SOBP: variants seen among roughly 807,000 people sequenced by gnomAD.
SOBP encodes the protein sine oculis-binding protein homolog.
Under a neutral mutation model 53.6 loss-of-function variants are expected in SOBP, and 4 were observed. The ratio of observed to expected loss-of-function variants is 0.07; its 90% confidence interval spans 0.04 to 0.17. The LOEUF is 0.17. SOBP is among the 10% of genes least tolerant of loss of function. The probability of loss-of-function intolerance (pLI) is 1.00; values close to 1 mark genes in which losing one functional copy is unlikely to be tolerated. For synonymous variants in SOBP, 584 were observed against 522.6 expected (o/e 1.12, Z -1.60); for missense variants, 1,088 against 1,204.7 (o/e 0.90, Z 1.43).
chr6:107,541,299 G>C lies in SOBP; in HGVS notation c.573+7689G>C, dbSNP rs539331488. Among the ~76,000 whole-genome samples, 3 of 152,310 alleles carry C rather than the reference G, an allele frequency of 2.0e-5. No individual in the cohort carries two copies. The South Asian group carries it at 6.2e-4, about 32-fold the overall frequency. ...AAACATTATACTGATTTATGAGAGA[G>C]CTTTGGAGGCATGTAGGATAATTCC... On this transcript the variant is annotated intron_variant, in intron 4 of 6. Transcript: ENST00000317357.
chr6:107,585,839 C>G (rs949757126), intron 4 of SOBP, among the ~76,000 whole-genome samples: 6 of 152,146 alleles, frequency 3.9e-5, no homozygotes, highest in Non-Finnish European at 7.3e-5. Flanking sequence ...AAATGACAAG[C>G]CCCAGTATAG....
intron 5 of SOBP, among the ~76,000 whole-genome samples, chr6:107,615,300 A>C (rs763968249): frequency 2.0e-5 from 3 of 152,200 alleles, no homozygotes; most frequent in Non-Finnish European, 2.9e-5. Flanking sequence ...TAATGAAATA[A>C]AATTAAGGAA....
At chr6:107,542,261 T>A (rs563282403) in intron 4 of SOBP, among the ~76,000 whole-genome samples, 1 of 152,198 alleles carries the variant, frequency 6.6e-6, no homozygotes, top group South Asian at 2.1e-4. Flanking sequence ...CAGAAGGAAG[T>A]GACGGAGCTA....
At chr6:107,638,146 G>C (rs1771133745) in intron 6 of SOBP, among the ~76,000 whole-genome samples, 1 of 152,178 alleles carries the variant, frequency 6.6e-6, no homozygotes, top group Non-Finnish European at 1.5e-5. Context: ...TCACAGCACA[G>C]TCTCAACCTG....
In SOBP at chr6:107,504,780, G is replaced by A. The variant is rs571275067; in HGVS notation, c.235+985G>A. Among the ~76,000 whole-genome samples the A allele has an allele frequency of 3.3e-5, 5 of 152,342 alleles. No individual in the cohort carries two copies. The East Asian group carries it at 9.6e-4, about 29-fold the overall frequency. ...CAGGCAAGTGGAATTGAATGTACAT[G>A]ACAAATTTTATGTTAAGCTTACTAT... On this transcript the variant is annotated intron_variant, in intron 2 of 6. Coordinates refer to ENST00000317357, the MANE Select transcript of SOBP (RefSeq NM_018013.4).
intron 5 of SOBP, among the ~76,000 whole-genome samples, chr6:107,624,720 G>T (rs1429548524): frequency 6.6e-6 from 1 of 152,208 alleles, no homozygotes; most frequent in African/African-American, 2.4e-5. Context: ...TGGCTGTGTA[G>T]ATGGGTATGA....
At chr6:107,577,384 C>G in intron 4 of SOBP, among the ~76,000 whole-genome samples, 1 of 152,196 alleles carries the variant, frequency 6.6e-6, no homozygotes, top group East Asian at 1.9e-4. Context: ...TTTTGGTGCT[C>G]CACCCCCTCA....
intron 5 of SOBP, among the ~76,000 whole-genome samples, chr6:107,590,966 GAC>G (rs1282230185): frequency 6.6e-6 from 1 of 152,104 alleles, no homozygotes; most frequent in Non-Finnish European, 1.5e-5. Flanking sequence ...CATAGAAAAA[GAC>G]ACAGTCCCTT....
intron 4 of SOBP, among the ~76,000 whole-genome samples, chr6:107,545,421 A>G (rs544220689): frequency 4.6e-5 from 7 of 152,300 alleles, no homozygotes; most frequent in Non-Finnish European, 7.4e-5. Context: ...CTGGCACGGC[A>G]ACAGAGGGTG....
chr6:107,570,374 T>C (rs763877137), intron 4 of SOBP, among the ~76,000 whole-genome samples: 2 of 152,254 alleles, frequency 1.3e-5, no homozygotes, highest in Non-Finnish European at 2.9e-5. Context: ...TTAGCCTAAA[T>C]CAATCAATCT....
intron 4 of SOBP, among the ~76,000 whole-genome samples, chr6:107,543,024 A>G (rs906266655): frequency 2.0e-5 from 3 of 152,300 alleles, no homozygotes; most frequent in Non-Finnish European, 1.5e-5. Flanking sequence ...TGAAGGGACC[A>G]TCTTTGGGTA....
At chr6:107,622,267 C>A (rs959991757) in intron 5 of SOBP, among the ~76,000 whole-genome samples, 1 of 152,186 alleles carries the variant, frequency 6.6e-6, no homozygotes, top group Admixed American at 6.5e-5. Flanking sequence ...TGTGGGTCTT[C>A]TGAGCCAAAT....
chr6:107,500,728 T>G (rs966826713), intron 1 of SOBP, among the ~76,000 whole-genome samples: 2 of 152,014 alleles, frequency 1.3e-5, no homozygotes, highest in South Asian at 2.1e-4. Flanking sequence ...GGTTTCACCA[T>G]GTTAGCCAGG....
At chr6:107,653,655 T>C (rs554897129) in intron 6 of SOBP, among the ~76,000 whole-genome samples, 1 of 152,316 alleles carries the variant, frequency 6.6e-6, no homozygotes, top group South Asian at 2.1e-4. Context: ...TTATGCTAAT[T>C]ACAAAAGTAT....
At chr6:107,627,337 A>G (rs1248049592) in intron 5 of SOBP, among the ~76,000 whole-genome samples, 4 of 152,192 alleles carry the variant, frequency 2.6e-5, no homozygotes, top group Admixed American at 2.6e-4. Context: ...CATTTGTTAA[A>G]GCTCATTGAG....
At chr6:107,556,755 C>T (rs1254017000) in intron 4 of SOBP, among the ~76,000 whole-genome samples, 2 of 152,134 alleles carry the variant, frequency 1.3e-5, no homozygotes, top group African/African-American at 2.4e-5. Context: ...GTCTTTCAGC[C>T]GCTGTAGACA....
chr6:107,552,013 T>C (rs1426908239), intron 4 of SOBP, among the ~76,000 whole-genome samples: 2 of 152,098 alleles, frequency 1.3e-5, no homozygotes, highest in East Asian at 3.9e-4. Flanking sequence ...AGAGCAAGAC[T>C]CCATCTCAAC....
intron 5 of SOBP, among the ~76,000 whole-genome samples, chr6:107,618,672 T>G (rs1300265867): frequency 6.6e-6 from 1 of 152,244 alleles, no homozygotes; most frequent in African/African-American, 2.4e-5. Context: ...CATTTGTTGT[T>G]GTTTGGTTTA....
intron 6 of SOBP, among the ~76,000 whole-genome samples, chr6:107,640,958 G>A (rs1253618324): frequency 1.4e-4 from 21 of 152,148 alleles, no homozygotes; most frequent in African/African-American, 4.1e-4. Context: ...CCCTGGACTC[G>A]TCCCTGGATG....
Sources: allele counts gnomAD v4.1 joint callset (sites outside exome capture counted in the v4.1 genomes callset), GRCh38; gene constraint gnomAD v4.1.1; transcripts MANE v1.5; gene names NCBI Gene and HGNC (gene_info 2026-07-23, HGNC 2026-07-21).